Variants in OXSR1 observed in about 807,000 individuals in gnomAD.
OXSR1 encodes the protein serine/threonine-protein kinase OSR1.
Under a neutral mutation model 79.8 loss-of-function variants are expected in OXSR1, and 24 were observed. The observed-to-expected ratio is 0.30, with a 90% confidence interval of 0.22 to 0.42. The LOEUF is 0.42. OXSR1 is among the 10% of genes least tolerant of loss of function. The pLI is 1.00. For synonymous variants in OXSR1, 226 were observed against 209.2 expected (o/e 1.08, Z -0.69); for missense variants, 430 against 618.4 (o/e 0.70, Z 3.23).
chr3:38,185,804 G>A (rs539588550), intron 2 of OXSR1, among the ~76,000 whole-genome samples: 116 of 151,898 alleles, frequency 7.6e-4, no homozygotes, highest in African/African-American at 2.2e-3. Flanking sequence ...AATTAGCTTG[G>A]CATGGTGGTA....
chr3:38,189,360 T>A (rs1275743712), intron 2 of OXSR1, among the ~76,000 whole-genome samples: 2 of 152,232 alleles, frequency 1.3e-5, no homozygotes, highest in Non-Finnish European at 2.9e-5. Context: ...CTTGAAATTC[T>A]GTATAACTAT....
chr3:38,196,188 A>G (rs1702069584), intron 3 of OXSR1, among the ~76,000 whole-genome samples: 1 of 152,234 alleles, frequency 6.6e-6, no homozygotes, highest in South Asian at 2.1e-4. Context: ...ATACGCGGTT[A>G]TAACTTTCCC....
intron 8 of OXSR1, among the ~76,000 whole-genome samples, chr3:38,228,311 A>G (rs1346224793): frequency 6.6e-6 from 1 of 152,238 alleles, no homozygotes; most frequent in Non-Finnish European, 1.5e-5. Context: ...ATAAGAAGCA[A>G]TGTTGAGCAA....
In OXSR1 at chr3:38,254,434, G is replaced by C; in HGVS notation, c.*1543G>C. The C allele has an allele frequency of 2.6e-6, 1 of 389,882 alleles. No individual in the cohort carries two copies. The highest frequency in any genetic ancestry group is 4.5e-5 in the Admixed American group (1 of 22,424). 24.2% of individuals were successfully genotyped at this position (389,882 alleles called of 1,614,324 possible). On this transcript the variant is annotated 3_prime_UTR_variant, in exon 18 of 18. Transcript: ENST00000311806. ...AAGAGATGGATGTTGGGGAGGAAGAGAGGAGATGGATTTCAGTTGGGAGTT... is the reference window on the plus strand; with the variant it reads ...AAGAGATGGATGTTGGGGAGGAAGACAGGAGATGGATTTCAGTTGGGAGTT...
chr3:38,198,939 C>T (rs999218782), intron 4 of OXSR1, 76 bp downstream of exon 4: 4 of 1,256,884 alleles, frequency 3.2e-6, no homozygotes, highest in Non-Finnish European at 4.5e-6. Context: ...ATCGTGATCT[C>T]TGACTGTTAT....
intron 4 of OXSR1, among the ~76,000 whole-genome samples, chr3:38,207,726 A>G (rs1223572097): frequency 6.6e-6 from 1 of 152,146 alleles, no homozygotes; most frequent in Non-Finnish European, 1.5e-5. Context: ...AGTTGTAGAA[A>G]CCACTTTTGT....
intron 11 of OXSR1, among the ~76,000 whole-genome samples, chr3:38,237,176 A>G (rs1464924063): frequency 6.6e-6 from 1 of 152,210 alleles, no homozygotes; most frequent in Non-Finnish European, 1.5e-5. Flanking sequence ...AAATCTACCA[A>G]ATCTAGAGAC....
At chr3:38,172,704 AT>A (rs1218801220) in intron 1 of OXSR1, among the ~76,000 whole-genome samples, 1 of 152,112 alleles carries the variant, frequency 6.6e-6, no homozygotes, top group Non-Finnish European at 1.5e-5. Context: ...GTATTTTTCC[AT>A]TGATTGGGAG....
At chr3:38,200,129 C>G (rs981255458) in intron 4 of OXSR1, among the ~76,000 whole-genome samples, 2 of 152,124 alleles carry the variant, frequency 1.3e-5, no homozygotes, top group Non-Finnish European at 2.9e-5. Flanking sequence ...CCTGTCTGCT[C>G]TTTATTGGCA....
Position 38,237,008 on chromosome 3 carries a change from C to T in OXSR1, c.1074+47C>T, listed in dbSNP as rs753345667. 4 of 1,545,000 alleles carry T rather than the reference C, an allele frequency of 2.6e-6. No individual in the cohort carries two copies. In the South Asian group the frequency reaches 4.8e-5, roughly 19 times the overall value. ...ACTTTAGCTAGAACTTTTTGTAGTT[C>T]TTGTTCAGCTTAACCAGCTAAAATA... On this transcript the variant is annotated intron_variant, in intron 11 of 17. Transcript: ENST00000311806.
intron 1 of OXSR1, 121 bp from the exon 2 acceptor site, chr3:38,182,878 CTCTA>C (rs1701813371): frequency 4.1e-6 from 2 of 490,046 alleles, no homozygotes; most frequent in African/African-American, 4.0e-5. Flanking sequence ...GAGCATTTTT[CTCTA>C]TCTGTTATGC....
chr3:38,181,589 C>T (rs1701787599), intron 1 of OXSR1, among the ~76,000 whole-genome samples: 1 of 152,016 alleles, frequency 6.6e-6, no homozygotes, highest in Non-Finnish European at 1.5e-5. Flanking sequence ...ATCTCCTGAC[C>T]TCGTGATCCG....
intron 4 of OXSR1, among the ~76,000 whole-genome samples, chr3:38,208,993 C>T (rs975466413): frequency 2.0e-5 from 3 of 151,140 alleles, no homozygotes; most frequent in Non-Finnish European, 4.4e-5. Context: ...TGTGCGCGCG[C>T]GCGTGCGCGC....
intron 1 of OXSR1, among the ~76,000 whole-genome samples, chr3:38,181,170 C>G (rs1398360095): frequency 2.7e-5 from 4 of 149,824 alleles, no homozygotes; most frequent in Non-Finnish European, 4.4e-5. Context: ...ATAGAGCAAA[C>G]TGTTAATCTT....
upstream of OXSR1, chr3:38,165,350 A>G (rs1701417480): frequency 6.5e-6 from 1 of 154,350 alleles, no homozygotes; most frequent in Admixed American, 6.5e-5. Context: ...GATGCCTTCG[A>G]TGAACCTCTA....
chr3:38,201,769 C>T (rs767996938), intron 4 of OXSR1, among the ~76,000 whole-genome samples: 6 of 151,988 alleles, frequency 3.9e-5, no homozygotes, highest in Non-Finnish European at 8.8e-5. Context: ...GAGGCTGAGG[C>T]AGGAGGATCA....
intron 11 of OXSR1, among the ~76,000 whole-genome samples, chr3:38,242,235 C>T (rs778415656): frequency 3.9e-5 from 6 of 151,950 alleles, no homozygotes; most frequent in Non-Finnish European, 1.5e-5. Context: ...CTTTAGATAC[C>T]AGATTCCCAA....
At chr3:38,234,229 TA>T in intron 10 of OXSR1, among the ~76,000 whole-genome samples, 1 of 152,172 alleles carries the variant, frequency 6.6e-6, no homozygotes, top group East Asian at 1.9e-4. Context: ...ATACAAGCAA[TA>T]AAAGGAAAAA....
At chr3:38,221,422 A>G (rs1360977195) in intron 5 of OXSR1, among the ~76,000 whole-genome samples, 156 bp from the exon 6 acceptor site, 1 of 152,096 alleles carries the variant, frequency 6.6e-6, no homozygotes, top group Non-Finnish European at 1.5e-5. Context: ...TCCTAGTCTA[A>G]GCTATGTCTT....
Sources: allele counts gnomAD v4.1 joint callset (sites outside exome capture counted in the v4.1 genomes callset), GRCh38; gene constraint gnomAD v4.1.1; transcripts MANE v1.5; gene names NCBI Gene and HGNC (gene_info 2026-07-23, HGNC 2026-07-21).